PLXDC2: variants seen among roughly 807,000 people sequenced by gnomAD.
The protein encoded by PLXDC2 is plexin domain containing 2, also known as plexin domain-containing protein 2.
Under a neutral mutation model 68.9 loss-of-function variants are expected in PLXDC2, and 40 were observed. That is an observed-to-expected ratio of 0.58 (90% CI 0.45 to 0.76). The LOEUF is 0.76. Ranked by LOEUF, PLXDC2 falls within the 30% of genes least tolerant of loss-of-function variation. The pLI, the probability that PLXDC2 is intolerant of heterozygous loss-of-function variation, is 0.00. For missense variants in PLXDC2, 644 were observed against 661.9 expected, an observed-to-expected ratio of 0.97 and a Z score of 0.30; for synonymous variants, 243 against 234.2, an observed-to-expected ratio of 1.04 and a Z score of -0.34.
intron 1 of PLXDC2, among the ~76,000 whole-genome samples, chr10:19,876,914 A>C (rs537016487): frequency 2.0e-5 from 3 of 152,202 alleles, no homozygotes; most frequent in Admixed American, 6.6e-5. Context: ...GCAGGTACTT[A>C]AAAAAACTCG....
intron 2 of PLXDC2, among the ~76,000 whole-genome samples, chr10:20,033,212 A>G (rs185822610): frequency 6.7e-6 from 1 of 150,142 alleles, no homozygotes; most frequent in Non-Finnish European, 1.5e-5. Context: ...AAAATAAAAA[A>G]ATAAAATAAA....
intron 1 of PLXDC2, among the ~76,000 whole-genome samples, chr10:19,990,804 C>T (rs1834734629): frequency 6.6e-6 from 1 of 152,094 alleles, no homozygotes; most frequent in Admixed American, 6.5e-5. Flanking sequence ...TGTCAGAATT[C>T]AGACATTCAT....
At chr10:20,045,941 CAT>C (rs1835790041) in intron 2 of PLXDC2, among the ~76,000 whole-genome samples, 1 of 152,024 alleles carries the variant, frequency 6.6e-6, no homozygotes, top group African/African-American at 2.4e-5. Context: ...AAAACATTTA[CAT>C]CTCCTCACTG....
intron 1 of PLXDC2, among the ~76,000 whole-genome samples, chr10:19,916,126 G>GTTTTTTT (rs200823056): frequency 1.6e-5 from 2 of 125,708 alleles, no homozygotes; most frequent in African/African-American, 3.3e-5. Context: ...AGGGAGTTGT[G>GTTTTTTT]TTTTGTTTTG....
intron 1 of PLXDC2, among the ~76,000 whole-genome samples, chr10:19,937,790 G>A (rs1242285928): frequency 6.6e-6 from 1 of 151,982 alleles, no homozygotes; most frequent in African/African-American, 2.4e-5. Context: ...CTTTCTAGAT[G>A]AGGAAGGGTT....
chr10:20,162,131 A>G lies in PLXDC2; in HGVS notation c.784-2337A>G, dbSNP rs867313595. ...AGGAAGGAAGGAAGGAAGGAAGGAA[A>G]GAAAGAAGGAAAGAAAAAGGAAGGA... On this transcript the variant is annotated intron_variant, in intron 6 of 13. Coordinates refer to ENST00000377252, the MANE Select transcript of PLXDC2 (RefSeq NM_032812.9). Among the ~76,000 whole-genome samples, 271 of 141,038 alleles carry G rather than the reference A, an allele frequency of 1.9e-3. 1 individual carries two copies. Among genetic ancestry groups the G allele is most frequent in the African/African-American group, 5.3e-3 (196 of 36,714 alleles). 92.5% of individuals were successfully genotyped at this position (141,038 alleles called of 152,430 possible). A position where few individuals can be genotyped will look rare whatever the true frequency, so the allele number is the denominator to read the frequency against.
At chr10:20,134,171 G>C (rs1564327956) in intron 4 of PLXDC2, among the ~76,000 whole-genome samples, 1 of 152,118 alleles carries the variant, frequency 6.6e-6, no homozygotes, top group Non-Finnish European at 1.5e-5. Context: ...TCAGCTTCAA[G>C]ATAATTATTT....
At chr10:20,072,515 G>GAA (rs1189504958) in intron 4 of PLXDC2, among the ~76,000 whole-genome samples, 3 of 97,472 alleles carry the variant, frequency 3.1e-5, no homozygotes, top group African/African-American at 2.5e-4. Context: ...AAGAAAGAAA[G>GAA]AAAGAAAGAA....
At chr10:20,177,536 A>G (rs1396259409) in intron 9 of PLXDC2, 127 bp downstream of exon 9, 4 of 329,936 alleles carry the variant, frequency 1.2e-5, no homozygotes, top group Non-Finnish European at 2.0e-5. Context: ...GAGAGAAAGT[A>G]GGAGGGATGC....
chr10:19,878,000 T>A (rs1178421488), intron 1 of PLXDC2, among the ~76,000 whole-genome samples: 2 of 152,218 alleles, frequency 1.3e-5, no homozygotes, highest in Admixed American at 6.5e-5. Context: ...TCAACCCTGA[T>A]GAATTTTGAG....
rs998053395 is a variant in PLXDC2, at chr10:20,281,578, A to G, written c.*1759A>G. 6 of 152,204 alleles carry G rather than the reference A, an allele frequency of 3.9e-5. No homozygotes were observed. The highest frequency in any genetic ancestry group is 1.2e-4 in the African/African-American group (5 of 41,462). The allele number at this position is 152,204 out of a possible 1,614,324, so 9.4% of individuals were successfully genotyped here. ...CTGACGTGAACGAATGCCATTTTCTATTCCATATATTTTGCTTTACAATTT... is the reference window on the plus strand; with the variant it reads ...CTGACGTGAACGAATGCCATTTTCTGTTCCATATATTTTGCTTTACAATTT... On this transcript the variant is annotated 3_prime_UTR_variant, in exon 14 of 14. Coordinates refer to ENST00000377252, the MANE Select transcript of PLXDC2 (RefSeq NM_032812.9).
At chr10:19,985,222 C>A (rs2131623075) in intron 1 of PLXDC2, among the ~76,000 whole-genome samples, 1 of 152,284 alleles carries the variant, frequency 6.6e-6, no homozygotes, top group Admixed American at 6.5e-5. Context: ...CAATAAGCCA[C>A]CATAAATTTT....
rs913543900 is a variant in PLXDC2, at chr10:20,240,332, C to T, written c.1313-5013C>T. On this transcript the variant is annotated intron_variant, in intron 12 of 13. Transcript: ENST00000377252. ...GACAACATTTTCTTGATCCAATCTA[C>T]CGTTGATGAGCATTTAGGTTGATTC... Among the ~76,000 whole-genome samples, 8 of 152,138 alleles carry T rather than the reference C, an allele frequency of 5.3e-5. No homozygotes were observed. The South Asian group carries it at 8.3e-4, about 16-fold the overall frequency.
chr10:19,985,131 C>T (rs543567138), intron 1 of PLXDC2, among the ~76,000 whole-genome samples: 17 of 152,276 alleles, frequency 1.1e-4, no homozygotes, highest in African/African-American at 3.4e-4. Context: ...ATTATCAGGG[C>T]GATACATGCA....
In PLXDC2 at chr10:20,114,168, C is replaced by G. The variant is rs576427891; in HGVS notation, c.542-29127C>G. On this transcript the variant is annotated intron_variant, in intron 4 of 13. Coordinates refer to ENST00000377252, the MANE Select transcript of PLXDC2 (RefSeq NM_032812.9). The stretch of plus-strand genomic sequence containing the variant: ...CAGAAAACAATTAGGCAAATCTGGT[C>G]AAGTCTTTGTTGAACTCTTCAGTGT... Among the ~76,000 whole-genome samples the G allele has an allele frequency of 3.3e-5, 5 of 152,222 alleles. No individual in the cohort carries two copies. In the East Asian group the frequency reaches 9.7e-4, roughly 29 times the overall value.
chr10:20,081,433 A>G lies in PLXDC2; in HGVS notation c.541+13194A>G, dbSNP rs543294789. On this transcript the variant is annotated intron_variant, in intron 4 of 13. Coordinates refer to ENST00000377252, the MANE Select transcript of PLXDC2 (RefSeq NM_032812.9). ...GAAAAAAAATGAAAAAAACAAAAAC[A>G]AAAGCAGAACAGAACATCAGAGACC... Among the ~76,000 whole-genome samples the G allele has an allele frequency of 7.9e-5, 12 of 152,234 alleles. No homozygotes were observed. In the South Asian group the frequency reaches 1.9e-3, roughly 24 times the overall value.
chr10:19,900,855 G>C (rs1316761227), intron 1 of PLXDC2, among the ~76,000 whole-genome samples: 1 of 151,770 alleles, frequency 6.6e-6, no homozygotes, highest in Non-Finnish European at 1.5e-5. Context: ...AGCCTACGGT[G>C]TTTGGTTTTC....
chr10:20,125,900 A>G (rs1340490425), intron 4 of PLXDC2, among the ~76,000 whole-genome samples: 1 of 149,772 alleles, frequency 6.7e-6, no homozygotes. Flanking sequence ...GAGCCTTTCC[A>G]CTACATTTTT....
intron 1 of PLXDC2, among the ~76,000 whole-genome samples, chr10:19,899,514 GAATA>G (rs1168805375): frequency 6.6e-6 from 1 of 152,076 alleles, no homozygotes; most frequent in Non-Finnish European, 1.5e-5. Context: ...TATTATATGA[GAATA>G]AATACTCATG....
Sources: gnomAD v4.1 joint callset for allele counts (sites outside exome capture counted in the v4.1 genomes callset) on GRCh38, gnomAD v4.1.1 for gene constraint, MANE v1.5 for transcripts, NCBI Gene and HGNC (gene_info 2026-07-23, HGNC 2026-07-21) for gene names.